ZNF704: variants seen among roughly 807,000 people sequenced by gnomAD.
ZNF704 encodes glucocorticoid induced gene 1.
A neutral mutation model predicts 44.7 loss-of-function variants in ZNF704; 10 were observed. That is an observed-to-expected ratio of 0.22 (90% CI 0.14 to 0.38). The LOEUF is 0.38. Ranked by LOEUF, ZNF704 falls within the 10% of genes least tolerant of loss-of-function variation. The pLI, the probability that ZNF704 is intolerant of heterozygous loss-of-function variation, is 1.00. For missense variants in ZNF704, 390 were observed against 545.5 expected (o/e 0.71, Z 2.84); for synonymous variants, 211 against 207.6 (o/e 1.02, Z -0.14).
chr8:80,797,940 T>TC, intron 2 of ZNF704, among the ~76,000 whole-genome samples: 1 of 152,314 alleles, frequency 6.6e-6, no homozygotes, highest in South Asian at 2.1e-4. Flanking sequence ...AGTCAATTTT[T>TC]CCCTCTCACA....
chr8:80,780,863 G>C (rs1327860558), intron 2 of ZNF704, among the ~76,000 whole-genome samples: 1 of 152,088 alleles, frequency 6.6e-6, no homozygotes, highest in Non-Finnish European at 1.5e-5. Context: ...ACTTCTGTTG[G>C]TCAGGTCAAC....
intron 2 of ZNF704, among the ~76,000 whole-genome samples, chr8:80,764,912 G>A (rs947321477): frequency 1.3e-5 from 2 of 152,122 alleles, no homozygotes; most frequent in African/African-American, 4.8e-5. Context: ...TATCAGTCAG[G>A]GTTCTCCAGG....
In ZNF704 at chr8:80,806,368, C is replaced by T. The variant is rs145077004; in HGVS notation, c.221+15006G>A. 2.4e-3 allele frequency among the ~76,000 whole-genome samples: 361 copies of T among 152,290 alleles called. 1 individual carries two copies. The highest frequency in any genetic ancestry group is 7.6e-3 in the African/African-American group (317 of 41,566). On this transcript the variant is annotated intron_variant, in intron 2 of 8. Transcript: ENST00000327835. Reference sequence around the variant, plus strand: ...ATCACGTAATGACCATCACAGTCAACACTGCTCACAACATATACAATGGGA... The same window carrying T: ...ATCACGTAATGACCATCACAGTCAATACTGCTCACAACATATACAATGGGA...
rs528488725 is a variant in ZNF704, at chr8:80,821,609, T to C, written c.-15A>G. The C allele has an allele frequency of 1.9e-6, 3 of 1,610,478 alleles. No individual in the cohort carries two copies. The highest frequency in any genetic ancestry group is 2.5e-6 in the Non-Finnish European group (3 of 1,177,702). ...GTGAAGGTCATTTCCCGCTTAATGC[T>C]CCCCACCTGTGAAATGAAACACAGA... On this transcript the variant is annotated 5_prime_UTR_variant, in exon 2 of 9. Coordinates refer to ENST00000327835, the MANE Select transcript of ZNF704 (RefSeq NM_001033723.3).
chr8:80,665,052 T>G lies in ZNF704; in HGVS notation c.690A>C (p.Gly230=), dbSNP rs779844484. ...GRVGDSDYSD[G]EEDFYYTEIK... ...TCTCAGTGTAGTAAAAGTCCTCTTCTCCATCACTGTAGTCAGAGTCTCCAA... is the reference window on the plus strand; with the variant it reads ...TCTCAGTGTAGTAAAAGTCCTCTTCGCCATCACTGTAGTCAGAGTCTCCAA... The change falls in exon 6 of 9, where the codon GGA becomes GGC. Residue 230 remains glycine, a synonymous_variant. Coordinates refer to ENST00000327835, the MANE Select transcript of ZNF704 (RefSeq NM_001033723.3). The G allele has an allele frequency of 9.9e-6, 16 of 1,614,202 alleles. No homozygotes were observed. Among genetic ancestry groups the G allele is most frequent in the African/African-American group, 1.3e-5 (1 of 75,054 alleles).
rs1016459492 is a variant in ZNF704 at position 80,636,242 on chromosome 8, T to A, written c.*5124A>T. On this transcript the variant is annotated 3_prime_UTR_variant, in exon 9 of 9. Transcript: ENST00000327835. ...TGCCAAGACATATTACCATTGTGAT[T>A]CTCAGACCCACAACAAAAGTTATAA... 7 of 152,192 alleles carry A rather than the reference T, an allele frequency of 4.6e-5. No individual in the cohort carries two copies. The highest frequency in any genetic ancestry group is 1.7e-4 in the African/African-American group (7 of 41,440). 9.4% of individuals were successfully genotyped at this position (152,192 alleles called of 1,614,324 possible).
chr8:80,829,945 T>C (rs1316360768), intron 1 of ZNF704, among the ~76,000 whole-genome samples: 1 of 152,242 alleles, frequency 6.6e-6, no homozygotes, highest in Non-Finnish European at 1.5e-5. Flanking sequence ...TTCCACCATT[T>C]GTAATGCTAG....
intron 2 of ZNF704, among the ~76,000 whole-genome samples, chr8:80,785,918 G>A (rs1185152190): frequency 6.6e-6 from 1 of 152,132 alleles, no homozygotes; most frequent in Non-Finnish European, 1.5e-5. Context: ...GAAAATATAT[G>A]TGTGCATACT....
chr8:80,725,310 TAAC>T (rs1316946655), intron 2 of ZNF704, among the ~76,000 whole-genome samples: 1 of 152,170 alleles, frequency 6.6e-6, no homozygotes, highest in Non-Finnish European at 1.5e-5. Context: ...CTCAGATAAA[TAAC>T]AAACAAAATT....
intron 6 of ZNF704, among the ~76,000 whole-genome samples, chr8:80,661,117 T>C (rs2131606394): frequency 6.6e-6 from 1 of 152,122 alleles, no homozygotes; most frequent in African/African-American, 2.4e-5. Flanking sequence ...AATAATTCCA[T>C]TAAAAAGTGG....
chr8:80,814,570 T>C (rs1460225544), intron 2 of ZNF704, among the ~76,000 whole-genome samples: 1 of 152,240 alleles, frequency 6.6e-6, no homozygotes, highest in African/African-American at 2.4e-5. Context: ...TTATAGCTAC[T>C]TTATGGGTAT....
chr8:80,878,255 AG>A (rs1307654461), upstream of ZNF704, among the ~76,000 whole-genome samples: 50 of 19,670 alleles, frequency 2.5e-3, no homozygotes, highest in African/African-American at 7.1e-3. Context: ...AGAGAAAGAA[AG>A]GAAGGAAGGA....
chr8:80,759,940 A>G (rs1329232699), intron 2 of ZNF704, among the ~76,000 whole-genome samples: 1 of 152,206 alleles, frequency 6.6e-6, no homozygotes, highest in Non-Finnish European at 1.5e-5. Flanking sequence ...TACATTTTGT[A>G]GAGATGGGGA....
chr8:80,753,849 ATAGC>A (rs778423821), intron 2 of ZNF704, among the ~76,000 whole-genome samples: 23 of 152,312 alleles, frequency 1.5e-4, no homozygotes, highest in Non-Finnish European at 2.6e-4. Context: ...GCAGTGCCAA[ATAGC>A]TAGGCCTCTC....
intron 2 of ZNF704, among the ~76,000 whole-genome samples, chr8:80,736,169 A>G (rs562534506): frequency 9.8e-5 from 15 of 152,390 alleles, no homozygotes; most frequent in African/African-American, 3.6e-4. Flanking sequence ...TCTCTTTTGC[A>G]TAACACATTT....
chr8:80,775,212 T>C (rs1445512044), intron 2 of ZNF704, among the ~76,000 whole-genome samples: 1 of 152,192 alleles, frequency 6.6e-6, no homozygotes, highest in Admixed American at 6.5e-5. Flanking sequence ...ACATCAAACA[T>C]CTTGGTTATA....
rs1410459496 is a variant in ZNF704, at chr8:80,670,542, G to T, written c.620C>A (p.Ala207Glu). ...WKNCGKVLST[A>E]AGIQKHIRTI... is the part of the protein sequence containing the mutation. ...TCGGATGTGTTTCTGGATACCTGCT[G>T]CAGTGCTCAGCACCTTCCCACAGTT... The change falls in exon 5 of 9, where the codon GCA (alanine) becomes GAA (glutamate). Residue 207 changes from alanine (A) to glutamate (E), a missense_variant. By Grantham distance (107) the Ala-to-Glu change is moderately radical. Coordinates refer to ENST00000327835, the MANE Select transcript of ZNF704 (RefSeq NM_001033723.3). 1 of 1,614,164 alleles carries T rather than the reference G, an allele frequency of 6.2e-7. No individual in the cohort carries two copies. The highest frequency in any genetic ancestry group is 1.3e-5 in the African/African-American group (1 of 75,048).
At chr8:80,726,487 T>G (rs2131675730) in intron 2 of ZNF704, among the ~76,000 whole-genome samples, 1 of 152,298 alleles carries the variant, frequency 6.6e-6, no homozygotes, top group Admixed American at 6.5e-5. Context: ...TCAGAATAAC[T>G]GTGGTTAAGT....
At chr8:80,791,731 G>A (rs1807711920) in intron 2 of ZNF704, among the ~76,000 whole-genome samples, 1 of 152,150 alleles carries the variant, frequency 6.6e-6, no homozygotes, top group East Asian at 1.9e-4. Context: ...AATGATGGCA[G>A]CACTTTCAGC....
Sources: gnomAD v4.1 joint callset for allele counts (sites outside exome capture counted in the v4.1 genomes callset) on GRCh38, gnomAD v4.1.1 for gene constraint, MANE v1.5 for transcripts, NCBI Gene and HGNC (gene_info 2026-07-23, HGNC 2026-07-21) for gene names.